The following LPP variants were observed in gnomAD, a reference collection of about 807,000 sequenced individuals.
The protein encoded by LPP is LIM domain containing preferred translocation partner in lipoma.
LPP carries 38 observed loss-of-function variants against 60.4 expected under a neutral mutation model. The ratio of observed to expected loss-of-function variants is 0.63; its 90% CI spans 0.49 to 0.83. LPP has a LOEUF of 0.83. Among genes scored for constraint, LPP ranks in the 40% least tolerant of loss-of-function variants. The pLI is 0.00. For synonymous variants in LPP, 328 were observed against 290.8 expected, an observed-to-expected ratio of 1.13 and a Z score of -1.30; for missense variants, 902 against 783.6, an observed-to-expected ratio of 1.15 and a Z score of -1.80.
intron 4 of LPP, among the ~76,000 whole-genome samples, chr3:188,452,730 T>G (rs987538688): frequency 1.3e-5 from 2 of 152,172 alleles, no homozygotes; most frequent in Admixed American, 1.3e-4. Context: ...TTTTGAGGCA[T>G]GAAGTGGCCA....
chr3:188,889,246 A>G lies in LPP; in HGVS notation c.*14767A>G. On this transcript the variant is annotated 3_prime_UTR_variant, in exon 12 of 12. Coordinates refer to ENST00000617246, the MANE Select transcript of LPP (RefSeq NM_001375462.1). ...TGTTTCCATAGTTCCATCACTGACAAAACTGTCAATACTGTTGATGGAGCA... is the reference window on the plus strand; with the variant it reads ...TGTTTCCATAGTTCCATCACTGACAGAACTGTCAATACTGTTGATGGAGCA... 4.3e-6 allele frequency: 1 copy of G among 230,876 alleles called. No homozygotes were observed. The highest frequency in any genetic ancestry group is 6.1e-5 in the East Asian group (1 of 16,310). 14.3% of individuals were successfully genotyped at this position (230,876 alleles called of 1,614,324 possible). A position where few individuals can be genotyped will look rare whatever the true frequency, so the allele number is the denominator to read the frequency against.
At chr3:188,646,325 C>T (rs528383812) in intron 7 of LPP, among the ~76,000 whole-genome samples, 26 of 152,250 alleles carry the variant, frequency 1.7e-4, no homozygotes, top group African/African-American at 6.0e-4. Context: ...CAGAACCATA[C>T]CCAAAGTTCT....
chr3:188,812,787 C>G (rs1446065562), intron 9 of LPP, among the ~76,000 whole-genome samples: 1 of 151,950 alleles, frequency 6.6e-6, no homozygotes, highest in Non-Finnish European at 1.5e-5. Flanking sequence ...CTCTCTCTCT[C>G]TCTCTCTCGC....
intron 2 of LPP, among the ~76,000 whole-genome samples, chr3:188,331,459 A>T (rs192453726): frequency 1.2e-3 from 181 of 152,276 alleles, no homozygotes; most frequent in Admixed American, 1.6e-3. Flanking sequence ...CTTGTATTAC[A>T]CTAAAACTGA....
intron 6 of LPP, among the ~76,000 whole-genome samples, chr3:188,582,081 A>G (rs903506598): frequency 1.8e-4 from 27 of 149,296 alleles, no homozygotes; most frequent in Admixed American, 1.6e-3. Flanking sequence ...ATTCTGAACA[A>G]TTTCACTTCA....
At chr3:188,306,820 T>G (rs1480014015) in intron 2 of LPP, among the ~76,000 whole-genome samples, 1 of 152,192 alleles carries the variant, frequency 6.6e-6, no homozygotes, top group Non-Finnish European at 1.5e-5. Context: ...TGTTGGCAGC[T>G]CATTCAAGTA....
chr3:188,605,040 T>G (rs1842133196), intron 6 of LPP, among the ~76,000 whole-genome samples: 1 of 152,152 alleles, frequency 6.6e-6, no homozygotes, highest in South Asian at 2.1e-4. Flanking sequence ...AAGGTCAATG[T>G]ATCTCAAAGA....
At chr3:188,529,430 A>G (rs752711563) in intron 6 of LPP, among the ~76,000 whole-genome samples, 16 of 152,158 alleles carry the variant, frequency 1.1e-4, no homozygotes, top group Non-Finnish European at 2.2e-4. Flanking sequence ...GCTTTTTTGA[A>G]TCCATGTCTC....
At chr3:188,330,058 C>T (rs1252849124) in intron 2 of LPP, among the ~76,000 whole-genome samples, 2 of 152,144 alleles carry the variant, frequency 1.3e-5, no homozygotes, top group Non-Finnish European at 2.9e-5. Context: ...TCCCTGTCTC[C>T]TCCCCTTTCC....
rs914494193 is a variant in LPP, at chr3:188,890,006, A to G, written c.*15527A>G. 2.3e-5 allele frequency: 5 copies of G among 213,840 alleles called. No individual in the cohort carries two copies. The highest frequency in any genetic ancestry group is 1.1e-4 in the African/African-American group (5 of 44,280). 13.2% of individuals were successfully genotyped at this position (213,840 alleles called of 1,614,324 possible). A position where few individuals can be genotyped will look rare whatever the true frequency, so the allele number is the denominator to read the frequency against. ...GAGATTTTTTTTTTCCTTGGAAACAAATGGACTGGGAAGAAACACAGCATG... is the reference window on the plus strand; with the variant it reads ...GAGATTTTTTTTTTCCTTGGAAACAGATGGACTGGGAAGAAACACAGCATG... On this transcript the variant is annotated 3_prime_UTR_variant, in exon 12 of 12. Coordinates refer to ENST00000617246, the MANE Select transcript of LPP (RefSeq NM_001375462.1).
chr3:188,476,640 T>G (rs1803304908), intron 4 of LPP, among the ~76,000 whole-genome samples: 1 of 152,196 alleles, frequency 6.6e-6, no homozygotes, highest in Admixed American at 6.5e-5. Flanking sequence ...TCTTAGTCCT[T>G]CCTTTTAATT....
At chr3:188,277,095 G>T (rs140453154) in intron 2 of LPP, among the ~76,000 whole-genome samples, 2 of 151,662 alleles carry the variant, frequency 1.3e-5, no homozygotes, top group Non-Finnish European at 2.9e-5. Context: ...GTAGAGATGG[G>T]GTTTTGCCCC....
intron 5 of LPP, among the ~76,000 whole-genome samples, chr3:188,496,679 T>A (rs1810323702): frequency 6.6e-6 from 1 of 152,172 alleles, no homozygotes; most frequent in Non-Finnish European, 1.5e-5. Flanking sequence ...CCCTTTATAT[T>A]CATTTTTAGT....
intron 3 of LPP, among the ~76,000 whole-genome samples, chr3:188,357,241 T>G (rs1218328986): frequency 6.6e-6 from 1 of 152,170 alleles, no homozygotes; most frequent in Non-Finnish European, 1.5e-5. Flanking sequence ...GAAAATATTT[T>G]TCATGGACAG....
intron 8 of LPP, among the ~76,000 whole-genome samples, chr3:188,715,108 G>T (rs556479519): frequency 6.6e-6 from 1 of 151,874 alleles, no homozygotes; most frequent in Admixed American, 6.6e-5. Flanking sequence ...AAGAACAAGG[G>T]GTGGCTCATG....
intron 9 of LPP, among the ~76,000 whole-genome samples, chr3:188,857,503 G>A (rs114328294): frequency 6.6e-6 from 1 of 152,098 alleles, no homozygotes; most frequent in Admixed American, 6.5e-5. Context: ...AGATTAGACG[G>A]GCTCCTGTTT....
chr3:188,365,671 T>C (rs1011199297), intron 3 of LPP, among the ~76,000 whole-genome samples: 1 of 151,082 alleles, frequency 6.6e-6, no homozygotes, highest in African/African-American at 2.4e-5. Flanking sequence ...TGTCTTTCTT[T>C]CTTTCTTTTC....
chr3:188,664,317 C>G (rs938096588), intron 7 of LPP, among the ~76,000 whole-genome samples: 1 of 152,200 alleles, frequency 6.6e-6, no homozygotes, highest in African/African-American at 2.4e-5. Context: ...GTGTTTCTTA[C>G]TGGTTCATTT....
At chr3:188,722,790 G>T (rs755243301) in intron 8 of LPP, among the ~76,000 whole-genome samples, 1 of 151,968 alleles carries the variant, frequency 6.6e-6, no homozygotes, top group Non-Finnish European at 1.5e-5. Flanking sequence ...TAAATAAGTC[G>T]GTATGAAAAA....
Sources: gnomAD v4.1 joint callset for allele counts (sites outside exome capture counted in the v4.1 genomes callset) on GRCh38, gnomAD v4.1.1 for gene constraint, MANE v1.5 for transcripts, NCBI Gene and HGNC (gene_info 2026-07-23, HGNC 2026-07-21) for gene names.